The following PRKG1 variants were observed in gnomAD, a reference collection of about 807,000 sequenced individuals.
PRKG1 encodes the protein cGMP-dependent protein kinase 1.
Under a neutral mutation model 88.1 loss-of-function variants are expected in PRKG1, and 35 were observed. That is an observed-to-expected ratio of 0.40 (90% CI 0.30 to 0.53). The LOEUF is 0.53. Ranked by LOEUF, PRKG1 falls within the 20% of genes least tolerant of loss-of-function variation. The pLI is 0.59. For synonymous variants in PRKG1, 303 were observed against 292.5 expected, an observed-to-expected ratio of 1.04 and a Z score of -0.37; for missense variants, 540 against 839.8, an observed-to-expected ratio of 0.64 and a Z score of 4.41.
At chr10:52,010,494 A>G (rs980678299) in intron 5 of PRKG1, among the ~76,000 whole-genome samples, 8 of 152,154 alleles carry the variant, frequency 5.3e-5, no homozygotes, top group Non-Finnish European at 1.0e-4. Context: ...GTGTTGAAAA[A>G]CTAACTGCTG....
chr10:51,635,982 G>A (rs977331685), intron 3 of PRKG1, among the ~76,000 whole-genome samples: 2 of 152,024 alleles, frequency 1.3e-5, no homozygotes, highest in African/African-American at 4.8e-5. Flanking sequence ...AAAGTAAAGG[G>A]GTACCTTGGT....
At chr10:51,095,758 C>A (rs1844512997) in intron 1 of PRKG1, among the ~76,000 whole-genome samples, 1 of 152,114 alleles carries the variant, frequency 6.6e-6, no homozygotes, top group Non-Finnish European at 1.5e-5. Context: ...CAGATTTACA[C>A]ACCTTCCCAA....
intron 4 of PRKG1, among the ~76,000 whole-genome samples, chr10:51,875,615 A>T (rs972981156): frequency 9.8e-5 from 15 of 152,326 alleles, no homozygotes; most frequent in African/African-American, 3.4e-4. Flanking sequence ...AAATTTTTAA[A>T]AAATGTTTTG....
chr10:51,314,997 A>C (rs1235952152), intron 2 of PRKG1, among the ~76,000 whole-genome samples: 2 of 152,190 alleles, frequency 1.3e-5, no homozygotes, highest in African/African-American at 4.8e-5. Flanking sequence ...GCAAATATTA[A>C]CTTGGCTGGG....
At chr10:51,946,470 A>G (rs1278111712) in intron 5 of PRKG1, among the ~76,000 whole-genome samples, 1 of 152,080 alleles carries the variant, frequency 6.6e-6, no homozygotes, top group Non-Finnish European at 1.5e-5. Flanking sequence ...CGTCAAAGTC[A>G]TTCTCTGTCC....
chr10:51,939,327 C>T (rs879284019), intron 5 of PRKG1, among the ~76,000 whole-genome samples: 1 of 151,950 alleles, frequency 6.6e-6, no homozygotes, highest in Non-Finnish European at 1.5e-5. Context: ...ATTGAGAATC[C>T]TTCTGCCTTG....
At chr10:51,907,367 G>T in intron 4 of PRKG1, 140 bp from the exon 5 acceptor site, 2 of 639,418 alleles carry the variant, frequency 3.1e-6, no homozygotes, top group South Asian at 2.4e-5. Context: ...CAGGTTGTGT[G>T]GCTAATGCAT....
chr10:51,028,240 T>C (rs1260577658), intron 1 of PRKG1, among the ~76,000 whole-genome samples: 1 of 152,170 alleles, frequency 6.6e-6, no homozygotes, highest in Non-Finnish European at 1.5e-5. Flanking sequence ...ATGAAAAATA[T>C]CTTTGAGGAA....
intron 5 of PRKG1, among the ~76,000 whole-genome samples, chr10:51,925,476 T>C (rs1018886017): frequency 6.6e-6 from 1 of 152,152 alleles, no homozygotes; most frequent in African/African-American, 2.4e-5. Context: ...GCTGGAGTTA[T>C]GCATACCCCT....
intron 3 of PRKG1, among the ~76,000 whole-genome samples, chr10:51,569,131 A>T (rs1203445475): frequency 2.0e-5 from 3 of 152,074 alleles, no homozygotes; most frequent in African/African-American, 7.2e-5. Flanking sequence ...GTTCAAGCCC[A>T]TATGTGTTTA....
At chr10:51,660,300 T>TTCATCA (rs752828760) in intron 3 of PRKG1, among the ~76,000 whole-genome samples, 6 of 151,868 alleles carry the variant, frequency 4.0e-5, no homozygotes, top group Non-Finnish European at 8.8e-5. Flanking sequence ...CACCGCCACC[T>TTCATCA]TCATCATCAT....
intron 3 of PRKG1, among the ~76,000 whole-genome samples, chr10:51,646,994 G>A (rs1197908073): frequency 6.6e-6 from 1 of 151,764 alleles, no homozygotes; most frequent in Non-Finnish European, 1.5e-5. Context: ...AAAACTTTTG[G>A]AGAAGTTAAT....
chr10:51,152,912 G>A (rs1846109992), intron 1 of PRKG1, among the ~76,000 whole-genome samples: 1 of 150,540 alleles, frequency 6.6e-6, no homozygotes, highest in African/African-American at 2.4e-5. Context: ...GATTTTGTTG[G>A]TTGGTTGGTT....
Position 51,230,521 on chromosome 10 carries a change from G to T in PRKG1, c.478+77191G>T, listed in dbSNP as rs566599658. Among the ~76,000 whole-genome samples, 11 of 152,280 alleles carry T rather than the reference G, an allele frequency of 7.2e-5. No individual in the cohort carries two copies. The South Asian group carries it at 2.3e-3, about 32-fold the overall frequency. ...GGTTGTAAGAATTAGATACACTCGT[G>T]TGAAAAATGTCTGGTCCATACTAAA... On this transcript the variant is annotated intron_variant, in intron 2 of 17. Coordinates refer to ENST00000373980, the MANE Select transcript of PRKG1 (RefSeq NM_006258.4).
intron 3 of PRKG1, chr10:51,698,601 C>T (rs1564612037): frequency 6.2e-7 from 1 of 1,613,716 alleles, no homozygotes; most frequent in African/African-American, 1.3e-5. Flanking sequence ...GTCACGGGTC[C>T]GCGAGGTATA....
intron 2 of PRKG1, among the ~76,000 whole-genome samples, chr10:51,424,012 A>G (rs1276935381): frequency 6.6e-6 from 1 of 152,172 alleles, no homozygotes; most frequent in East Asian, 1.9e-4. Context: ...TCCAAAAATA[A>G]TACAAAGACT....
At chr10:51,228,044 A>G (rs113804370) in intron 2 of PRKG1, among the ~76,000 whole-genome samples, 2 of 152,194 alleles carry the variant, frequency 1.3e-5, no homozygotes, top group South Asian at 2.1e-4. Flanking sequence ...GGAAGCATTC[A>G]TATGTCAAGC....
intron 2 of PRKG1, among the ~76,000 whole-genome samples, chr10:51,376,745 G>A (rs1044242337): frequency 1.1e-4 from 17 of 152,090 alleles, no homozygotes; most frequent in Admixed American, 4.6e-4. Context: ...TGCGATCTCG[G>A]CTCACTGCAA....
chr10:51,610,996 C>T (rs1485415094), intron 3 of PRKG1, among the ~76,000 whole-genome samples: 2 of 151,318 alleles, frequency 1.3e-5, no homozygotes, highest in African/African-American at 2.4e-5. Context: ...CACCATGGCA[C>T]ATATATACCT....
Sources: allele counts gnomAD v4.1 joint callset (sites outside exome capture counted in the v4.1 genomes callset), GRCh38; gene constraint gnomAD v4.1.1; transcripts MANE v1.5; gene names NCBI Gene and HGNC (gene_info 2026-07-23, HGNC 2026-07-21).